The following DDX10 variants were observed in gnomAD, a reference collection of about 807,000 sequenced individuals.
DDX10 encodes probable ATP-dependent RNA helicase DDX10.
DDX10 carries 74 observed loss-of-function variants against 104.3 expected under a neutral mutation model. That is an observed-to-expected ratio of 0.71 (90% CI 0.59 to 0.86). The LOEUF (loss-of-function observed/expected upper bound fraction) is 0.86, where lower values mean the gene tolerates loss of function less well. Among genes scored for constraint, DDX10 ranks in the 40% least tolerant of loss-of-function variants. The pLI is 0.00. For synonymous variants in DDX10, 351 were observed against 353.4 expected (o/e 0.99, Z 0.08); for missense variants, 952 against 1,040.0 (o/e 0.92, Z 1.16).
At chr11:108,743,106 T>G (rs534561907) in intron 13 of DDX10, among the ~76,000 whole-genome samples, 4 of 152,274 alleles carry the variant, frequency 2.6e-5, no homozygotes, top group Admixed American at 1.3e-4. Context: ...ATATCCTTGA[T>G]GAACATAGAT....
At chr11:108,848,889 G>A (rs1439592406) in intron 15 of DDX10, among the ~76,000 whole-genome samples, 1 of 152,072 alleles carries the variant, frequency 6.6e-6, no homozygotes, top group East Asian at 1.9e-4. Flanking sequence ...AAAGGGCAAT[G>A]GTCTATATCT....
At chr11:108,685,962 T>C (rs191338225) in intron 6 of DDX10, among the ~76,000 whole-genome samples, 1 of 152,354 alleles carries the variant, frequency 6.6e-6, no homozygotes, top group African/African-American at 2.4e-5. Context: ...TCCTTTGAAA[T>C]AATTCCTTTG....
chr11:108,766,702 G>C (rs552918410), intron 13 of DDX10, among the ~76,000 whole-genome samples: 1 of 152,252 alleles, frequency 6.6e-6, no homozygotes, highest in Admixed American at 6.5e-5. Context: ...AATAAGCCGG[G>C]GAAGTGCTAT....
chr11:108,807,383 C>A (rs183188435), intron 13 of DDX10, among the ~76,000 whole-genome samples: 66 of 152,064 alleles, frequency 4.3e-4, no homozygotes, highest in Non-Finnish European at 8.5e-4. Context: ...CAATGTCAAG[C>A]CAGGTGAGAG....
intron 11 of DDX10, among the ~76,000 whole-genome samples, chr11:108,718,054 A>G (rs1591799950): frequency 6.6e-6 from 1 of 152,168 alleles, no homozygotes; most frequent in African/African-American, 2.4e-5. Context: ...AATGCCAGCT[A>G]CTTGGGTGGC....
At position 108,723,345 on chromosome 11, in the gene DDX10, C is replaced by T; in HGVS notation, c.1848C>T (p.Ile616=). The change falls in exon 13 of 18, where the codon ATC becomes ATT. Residue 616 remains isoleucine (I), a synonymous_variant. Transcript: ENST00000322536. ...SLPNTSEAQK[I]KEVPTQFLDR... The stretch of plus-strand genomic sequence containing the variant: ...CTAACACCAGTGAGGCACAGAAGAT[C>T]AAGGAAGTTCCTACACAGTTCTTGG... The T allele has an allele frequency of 6.2e-7, 1 of 1,613,892 alleles. No homozygotes were observed. Among genetic ancestry groups the T allele is most frequent in the South Asian group, 1.1e-5 (1 of 91,068 alleles).
At chr11:108,705,975 C>A (rs1397448010) in intron 9 of DDX10, among the ~76,000 whole-genome samples, 3 of 151,908 alleles carry the variant, frequency 2.0e-5, no homozygotes, top group Non-Finnish European at 4.4e-5. Context: ...AGTTCTATTT[C>A]TTTCTTTTTT....
At chr11:108,792,857 C>T (rs770318685) in intron 13 of DDX10, among the ~76,000 whole-genome samples, 75 of 152,122 alleles carry the variant, frequency 4.9e-4, no homozygotes, top group Non-Finnish European at 6.8e-4. Flanking sequence ...GTTTTCTGAT[C>T]CTATATTTCC....
At chr11:108,767,659 C>T (rs1014794649) in intron 13 of DDX10, among the ~76,000 whole-genome samples, 7 of 152,160 alleles carry the variant, frequency 4.6e-5, no homozygotes, top group Admixed American at 1.3e-4. Flanking sequence ...TATGAATACC[C>T]TTTACTTAGC....
intron 16 of DDX10, among the ~76,000 whole-genome samples, chr11:108,873,571 C>T (rs929531187): frequency 6.6e-6 from 1 of 152,112 alleles, no homozygotes; most frequent in Non-Finnish European, 1.5e-5. Flanking sequence ...TTTATCCTTC[C>T]GAGAACACCT....
At chr11:108,812,419 C>T (rs1379330025) in intron 13 of DDX10, among the ~76,000 whole-genome samples, 3 of 152,028 alleles carry the variant, frequency 2.0e-5, no homozygotes, top group Non-Finnish European at 4.4e-5. Context: ...TATTATATCT[C>T]TCAAAAACGT....
At chr11:108,812,161 G>T (rs1375831841) in intron 13 of DDX10, among the ~76,000 whole-genome samples, 1 of 152,068 alleles carries the variant, frequency 6.6e-6, no homozygotes, top group African/African-American at 2.4e-5. Context: ...TAGAGACTTT[G>T]CCCAGCAAAC....
intron 13 of DDX10, among the ~76,000 whole-genome samples, chr11:108,779,101 A>G (rs974451344): frequency 1.3e-5 from 2 of 152,236 alleles, no homozygotes; most frequent in Non-Finnish European, 2.9e-5. Context: ...ACTGTAAACT[A>G]GTTCAACCAT....
intron 16 of DDX10, among the ~76,000 whole-genome samples, chr11:108,905,709 G>A (rs1863587411): frequency 6.6e-6 from 1 of 152,126 alleles, no homozygotes; most frequent in East Asian, 1.9e-4. Context: ...AGGTGCATTT[G>A]AGATTCATCC....
At chr11:108,759,542 A>G (rs2094348227) in intron 13 of DDX10, among the ~76,000 whole-genome samples, 1 of 152,050 alleles carries the variant, frequency 6.6e-6, no homozygotes, top group Non-Finnish European at 1.5e-5. Context: ...TATTTGATCT[A>G]GAATGTGCAT....
At chr11:108,684,379 T>C (rs2094240248) in intron 6 of DDX10, among the ~76,000 whole-genome samples, 1 of 105,800 alleles carries the variant, frequency 9.5e-6, no homozygotes, top group Admixed American at 1.3e-4. Flanking sequence ...GTCCCCAGAG[T>C]ATGATATTCC....
At chr11:108,885,139 A>T (rs577475059) in intron 16 of DDX10, among the ~76,000 whole-genome samples, 1 of 151,904 alleles carries the variant, frequency 6.6e-6, no homozygotes, top group African/African-American at 2.4e-5. Context: ...TGTTGGTTTC[A>T]TTTGTTTGTT....
intron 17 of DDX10, chr11:108,921,242 C>T (rs1156323459): frequency 6.6e-6 from 1 of 152,160 alleles, no homozygotes; most frequent in African/African-American, 2.4e-5. Context: ...TGTATGTAAA[C>T]TAAAACCAAA....
chr11:108,770,530 C>T (rs2094361789), intron 13 of DDX10, among the ~76,000 whole-genome samples: 1 of 129,116 alleles, frequency 7.7e-6, no homozygotes, highest in Non-Finnish European at 1.6e-5. Flanking sequence ...CCCTTCCCAA[C>T]CTCTGGTAAC....
Sources: allele counts gnomAD v4.1 joint callset (sites outside exome capture counted in the v4.1 genomes callset), GRCh38; gene constraint gnomAD v4.1.1; transcripts MANE v1.5; gene names NCBI Gene and HGNC (gene_info 2026-07-23, HGNC 2026-07-21).